The following SEMA5A variants were observed in gnomAD, a reference collection of about 807,000 sequenced individuals.
SEMA5A encodes semaphorin 5A.
In SEMA5A, 55 loss-of-function variants were observed where a neutral mutation model predicts 135.5. The ratio of observed to expected loss-of-function variants is 0.41; its 90% CI spans 0.33 to 0.51. SEMA5A has a LOEUF of 0.51. Ranked by LOEUF, SEMA5A falls within the 20% of genes least tolerant of loss-of-function variation. SEMA5A has a pLI of 0.37. For missense variants in SEMA5A, 1,290 were observed against 1,419.9 expected (o/e 0.91, Z 1.47); for synonymous variants, 580 against 546.5 (o/e 1.06, Z -0.85).
At chr5:9,386,874 A>G (rs1229357562) in intron 2 of SEMA5A, among the ~76,000 whole-genome samples, 3 of 152,226 alleles carry the variant, frequency 2.0e-5, no homozygotes, top group African/African-American at 7.2e-5. Context: ...TGGACCATTT[A>G]TAATCCACCC....
intron 1 of SEMA5A, among the ~76,000 whole-genome samples, chr5:9,473,177 G>A (rs1253088257): frequency 6.9e-6 from 1 of 143,980 alleles, no homozygotes; most frequent in Non-Finnish European, 1.5e-5. Context: ...TCATAAATAT[G>A]CATATGATTT....
chr5:9,179,933 T>TG (rs1329490871), intron 11 of SEMA5A, among the ~76,000 whole-genome samples: 1 of 152,190 alleles, frequency 6.6e-6, no homozygotes, highest in Admixed American at 6.5e-5. Flanking sequence ...TTCTGGATGC[T>TG]GGAAGTCTGA....
At chr5:9,347,515 T>C (rs1753928852) in intron 3 of SEMA5A, among the ~76,000 whole-genome samples, 1 of 152,192 alleles carries the variant, frequency 6.6e-6, no homozygotes, top group African/African-American at 2.4e-5. Flanking sequence ...TCAAACACCA[T>C]TTGAAAACTA....
chr5:9,274,230 C>A (rs1750135905), intron 5 of SEMA5A, among the ~76,000 whole-genome samples: 1 of 151,880 alleles, frequency 6.6e-6, no homozygotes, highest in African/African-American at 2.4e-5. Context: ...CAATAAAGAT[C>A]AAAAGAGACA....
chr5:9,071,094 G>T (rs1737744755), intron 16 of SEMA5A, among the ~76,000 whole-genome samples: 1 of 152,078 alleles, frequency 6.6e-6, no homozygotes, highest in Admixed American at 6.5e-5. Flanking sequence ...TAATATTCTG[G>T]TGCAAAATAT....
intron 13 of SEMA5A, among the ~76,000 whole-genome samples, chr5:9,126,556 CAA>C (rs112437159): frequency 2.2e-5 from 3 of 136,456 alleles, no homozygotes; most frequent in Non-Finnish European, 1.6e-5. Flanking sequence ...GGAATGACAG[CAA>C]AAAAAAAAAA....
At chr5:9,169,367 G>A (rs546162319) in intron 11 of SEMA5A, among the ~76,000 whole-genome samples, 1 of 152,254 alleles carries the variant, frequency 6.6e-6, no homozygotes, top group South Asian at 2.1e-4. Flanking sequence ...ATCTCACACA[G>A]TAAGTAATGT....
chr5:9,481,599 T>A (rs1437327345), intron 1 of SEMA5A, among the ~76,000 whole-genome samples: 1 of 152,230 alleles, frequency 6.6e-6, no homozygotes, highest in Non-Finnish European at 1.5e-5. Context: ...CTTGGGTATT[T>A]ATAACCTTAG....
At chr5:9,051,835 AT>A in intron 20 of SEMA5A, 37 bp downstream of exon 20, 1 of 1,613,036 alleles carries the variant, frequency 6.2e-7, no homozygotes, top group Non-Finnish European at 8.5e-7. Flanking sequence ...CATGTTGGAA[AT>A]GATTTTATTC....
intron 4 of SEMA5A, among the ~76,000 whole-genome samples, chr5:9,334,234 T>C (rs994746434): frequency 1.3e-4 from 20 of 152,332 alleles, no homozygotes; most frequent in African/African-American, 4.8e-4. Context: ...TCGACTATTA[T>C]TCTATTTTTT....
At chr5:9,375,165 C>G (rs1289229309) in intron 3 of SEMA5A, among the ~76,000 whole-genome samples, 1 of 152,110 alleles carries the variant, frequency 6.6e-6, no homozygotes, top group East Asian at 1.9e-4. Context: ...TTCCCCCAAC[C>G]CTGCACTGAA....
intron 12 of SEMA5A, among the ~76,000 whole-genome samples, chr5:9,142,933 C>A (rs367762605): frequency 6.6e-6 from 1 of 151,832 alleles, no homozygotes; most frequent in East Asian, 1.9e-4. Flanking sequence ...GCCTGGGTGA[C>A]AGAGTGAGAA....
chr5:9,159,348 C>G (rs562708185), intron 11 of SEMA5A, among the ~76,000 whole-genome samples: 31 of 152,264 alleles, frequency 2.0e-4, no homozygotes, highest in Admixed American at 7.8e-4. Context: ...GGTAGTTGTG[C>G]TTTGATTGCA....
rs1456960340 is a variant in SEMA5A at position 9,037,897 on chromosome 5, T to C, written c.*5000A>G. The C allele has an allele frequency of 6.6e-6, 1 of 152,230 alleles. No homozygotes were observed. Among genetic ancestry groups the C allele is most frequent in the Admixed American group, 6.5e-5 (1 of 15,282 alleles). 9.4% of individuals were successfully genotyped at this position (152,230 alleles called of 1,614,324 possible). On this transcript the variant is annotated 3_prime_UTR_variant, in exon 23 of 23. Transcript: ENST00000382496. ...GATGATCCCCTGTCCCCAAACATTTTATCTTACATTGTGCATGGCATTCCC... is the reference window on the plus strand; with the variant it reads ...GATGATCCCCTGTCCCCAAACATTTCATCTTACATTGTGCATGGCATTCCC...
At chr5:9,384,785 T>C (rs1755817978) in intron 2 of SEMA5A, among the ~76,000 whole-genome samples, 1 of 152,078 alleles carries the variant, frequency 6.6e-6, no homozygotes, top group Non-Finnish European at 1.5e-5. Context: ...CATAGATAAC[T>C]TCCCTCTTTG....
In SEMA5A at chr5:9,212,285, A is replaced by G. The variant is rs10055688; in HGVS notation, c.647-10045T>C. Among the ~76,000 whole-genome samples the G allele has an allele frequency of 7.3e-3, 1,115 of 152,356 alleles. 15 individuals are homozygous for G. Among genetic ancestry groups the G allele is most frequent in the African/African-American group, 0.025 (1,050 of 41,580 alleles). On this transcript the variant is annotated intron_variant, in intron 8 of 22. Transcript: ENST00000382496. ...GTTTTATTGCTTTTCTATTTTAAGC[A>G]TCAACCATTAAACATTTATTATCCT...
chr5:9,342,528 G>A lies in SEMA5A; in HGVS notation c.125-4716C>T, dbSNP rs150236640. ...TAAGATTCAAGCCAAACTAGGTGGGGCCAGGGGACGGTGGGTAAAGATTGT... is the reference window on the plus strand; with the variant it reads ...TAAGATTCAAGCCAAACTAGGTGGGACCAGGGGACGGTGGGTAAAGATTGT... On this transcript the variant is annotated intron_variant, in intron 3 of 22. Transcript: ENST00000382496. Among the ~76,000 whole-genome samples, 26 of 152,298 alleles carry A rather than the reference G, an allele frequency of 1.7e-4. No individual in the cohort carries two copies. In the East Asian group the frequency reaches 5.0e-3, roughly 29 times the overall value.
intron 8 of SEMA5A, among the ~76,000 whole-genome samples, chr5:9,213,606 GC>G (rs1746462793): frequency 6.6e-6 from 1 of 152,160 alleles, no homozygotes; most frequent in Admixed American, 6.5e-5. Flanking sequence ...TAGCCCATGG[GC>G]CAAATCCTAC....
intron 11 of SEMA5A, 125 bp downstream of exon 11, chr5:9,190,142 T>C (rs777368354): frequency 8.5e-6 from 8 of 940,012 alleles, no homozygotes; most frequent in East Asian, 2.7e-5. Context: ...TCGCGGGTTT[T>C]GCTGGTTGCA....
Sources: gnomAD v4.1 joint callset for allele counts (sites outside exome capture counted in the v4.1 genomes callset) on GRCh38, gnomAD v4.1.1 for gene constraint, MANE v1.5 for transcripts, NCBI Gene and HGNC (gene_info 2026-07-23, HGNC 2026-07-21) for gene names.